Variants in LRRC4C observed in about 807,000 individuals in gnomAD.
LRRC4C encodes the protein leucine-rich repeat-containing protein 4C.
Under a neutral mutation model 33.6 loss-of-function variants are expected in LRRC4C, and 5 were observed. That is an observed-to-expected ratio of 0.15 (90% CI 0.08 to 0.31). The LOEUF (loss-of-function observed/expected upper bound fraction) is 0.31, where lower values mean the gene tolerates loss of function less well. Ranked by LOEUF, LRRC4C falls within the 10% of genes least tolerant of loss-of-function variation. The pLI, the probability that LRRC4C is intolerant of heterozygous loss-of-function variation, is 1.00. For synonymous variants in LRRC4C, 329 were observed against 302.0 expected, an observed-to-expected ratio of 1.09 and a Z score of -0.93; for missense variants, 560 against 796.7, an observed-to-expected ratio of 0.70 and a Z score of 3.58.
intron 1 of LRRC4C, among the ~76,000 whole-genome samples, chr11:40,952,886 ACACACACACACTCTCTCT>A (rs1281766677): frequency 1.1e-3 from 116 of 103,652 alleles, no homozygotes; most frequent in East Asian, 6.4e-3. Context: ...ACACACACAC[ACACACACACACTCTCTCT>A]CTCTCTCTCT....
chr11:40,256,750 C>T (rs961499973), intron 4 of LRRC4C, among the ~76,000 whole-genome samples: 1 of 152,098 alleles, frequency 6.6e-6, no homozygotes, highest in Admixed American at 6.5e-5. Context: ...TAGAATCTTT[C>T]TTATCTTTAC....
chr11:40,663,093 A>G (rs919185166), intron 2 of LRRC4C, among the ~76,000 whole-genome samples: 5 of 152,006 alleles, frequency 3.3e-5, no homozygotes, highest in African/African-American at 7.2e-5. Context: ...TTATTTATTT[A>G]TTTTTGAGAC....
chr11:40,582,549 G>A (rs988077371), intron 3 of LRRC4C, among the ~76,000 whole-genome samples: 3 of 130,382 alleles, frequency 2.3e-5, no homozygotes, highest in African/African-American at 8.6e-5. Context: ...GGAATGTCAC[G>A]CTTGTTGCCC....
intron 1 of LRRC4C, among the ~76,000 whole-genome samples, chr11:41,390,983 T>TAAA (rs35303507): frequency 1.4e-5 from 2 of 139,822 alleles, no homozygotes. Context: ...TTGCTTTAAT[T>TAAA]AAAAAAAAAA....
intron 2 of LRRC4C, among the ~76,000 whole-genome samples, chr11:40,872,961 T>C (rs1327902886): frequency 6.6e-6 from 1 of 152,170 alleles, no homozygotes; most frequent in East Asian, 1.9e-4. Flanking sequence ...CAGGTCTTTT[T>C]ATTATTTGCT....
intron 1 of LRRC4C, among the ~76,000 whole-genome samples, chr11:41,002,589 C>T (rs565546596): frequency 6.6e-6 from 1 of 152,130 alleles, no homozygotes. Context: ...TAAAAATCAC[C>T]AAATTAAGGC....
At chr11:41,040,713 A>T (rs1857380857) in intron 1 of LRRC4C, among the ~76,000 whole-genome samples, 1 of 152,204 alleles carries the variant, frequency 6.6e-6, no homozygotes, top group African/African-American at 2.4e-5. Context: ...CTTTCTCAAC[A>T]TCCCCAATTT....
At chr11:41,371,998 G>A (rs369429933) in intron 1 of LRRC4C, among the ~76,000 whole-genome samples, 32 of 152,278 alleles carry the variant, frequency 2.1e-4, no homozygotes, top group African/African-American at 6.5e-4. Flanking sequence ...TTAGCCAGGC[G>A]TAGTGGCTGG....
intron 2 of LRRC4C, among the ~76,000 whole-genome samples, chr11:40,648,554 A>G (rs941066095): frequency 4.6e-5 from 7 of 152,102 alleles, no homozygotes; most frequent in Non-Finnish European, 1.0e-4. Flanking sequence ...TTGATTAGAG[A>G]CTCAATATAA....
intron 1 of LRRC4C, among the ~76,000 whole-genome samples, chr11:40,942,227 A>G (rs1958185618): frequency 6.6e-6 from 1 of 152,198 alleles, no homozygotes; most frequent in Non-Finnish European, 1.5e-5. Context: ...ACTAGCAGTC[A>G]TTGACTGGAA....
chr11:41,148,988 C>T (rs1943859032), intron 1 of LRRC4C, among the ~76,000 whole-genome samples: 1 of 152,180 alleles, frequency 6.6e-6, no homozygotes, highest in Non-Finnish European at 1.5e-5. Flanking sequence ...CAAAGGAATA[C>T]ATGGCCAATT....
chr11:40,453,156 A>G (rs1041250524), intron 3 of LRRC4C, among the ~76,000 whole-genome samples: 1 of 149,082 alleles, frequency 6.7e-6, no homozygotes, highest in Non-Finnish European at 1.5e-5. Flanking sequence ...CATTGTGCAC[A>G]TGTACCCTAA....
chr11:40,806,005 C>T (rs1951228832), intron 2 of LRRC4C, among the ~76,000 whole-genome samples: 1 of 152,112 alleles, frequency 6.6e-6, no homozygotes. Context: ...TTTAATTACT[C>T]CAAATGGCCC....
At chr11:40,152,297 G>A (rs977726866) in intron 5 of LRRC4C, among the ~76,000 whole-genome samples, 1 of 152,198 alleles carries the variant, frequency 6.6e-6, no homozygotes, top group South Asian at 2.1e-4. Flanking sequence ...GAAAGGCCTT[G>A]GGAGTTCGCT....
intron 1 of LRRC4C, among the ~76,000 whole-genome samples, chr11:41,266,295 G>A (rs998091378): frequency 2.6e-5 from 4 of 152,038 alleles, no homozygotes; most frequent in African/African-American, 9.7e-5. Context: ...TGCAGAGATG[G>A]GATACTATGC....
chr11:40,961,192 G>A (rs573697141), intron 1 of LRRC4C, among the ~76,000 whole-genome samples: 3 of 151,842 alleles, frequency 2.0e-5, no homozygotes, highest in East Asian at 3.9e-4. Flanking sequence ...TTAAATCCAT[G>A]AGGCACTGAA....
chr11:40,236,405 T>A (rs533255195), intron 5 of LRRC4C, among the ~76,000 whole-genome samples: 1 of 152,214 alleles, frequency 6.6e-6, no homozygotes, highest in South Asian at 2.1e-4. Flanking sequence ...AAATAACTTT[T>A]AAAGATTCAA....
At chr11:40,748,135 G>A (rs959293083) in intron 2 of LRRC4C, among the ~76,000 whole-genome samples, 1 of 152,116 alleles carries the variant, frequency 6.6e-6, no homozygotes, top group African/African-American at 2.4e-5. Context: ...GAAAGACAGA[G>A]AGAGATTTTT....
chr11:40,676,720 T>G (rs1261565087), intron 2 of LRRC4C, among the ~76,000 whole-genome samples: 1 of 152,214 alleles, frequency 6.6e-6, no homozygotes, highest in African/African-American at 2.4e-5. Flanking sequence ...TGGCTCAATA[T>G]GTCTTAGACA....
Sources: allele counts gnomAD v4.1 joint callset (sites outside exome capture counted in the v4.1 genomes callset), GRCh38; gene constraint gnomAD v4.1.1; transcripts MANE v1.5; gene names NCBI Gene and HGNC (gene_info 2026-07-23, HGNC 2026-07-21).